Variants in ADGRB1 observed in about 807,000 individuals in gnomAD.
The protein encoded by ADGRB1 is brain-specific angiogenesis inhibitor 1.
Under a neutral mutation model 175.7 loss-of-function variants are expected in ADGRB1, and 36 were observed. That is an observed-to-expected ratio of 0.20 (90% CI 0.16 to 0.27). ADGRB1 has a LOEUF of 0.27. Among genes scored for constraint, ADGRB1 ranks in the 10% least tolerant of loss-of-function variants. The pLI is 1.00. For missense variants in ADGRB1, 1,731 were observed against 2,255.3 expected, an observed-to-expected ratio of 0.77 and a Z score of 4.71; for synonymous variants, 1,054 against 979.4, an observed-to-expected ratio of 1.08 and a Z score of -1.42.
At chr8:142,527,160 G>C (rs1212387434) in intron 24 of ADGRB1, among the ~76,000 whole-genome samples, 1 of 152,222 alleles carries the variant, frequency 6.6e-6, no homozygotes. Context: ...CAGGGTGCTG[G>C]AGCAAGACAG....
intron 21 of ADGRB1, 28 bp downstream of exon 21, chr8:142,522,143 G>A: frequency 1.3e-6 from 2 of 1,597,812 alleles, no homozygotes; most frequent in Non-Finnish European, 1.7e-6. Flanking sequence ...CGACCCTCCT[G>A]GACAGATACC....
Position 142,544,243 on chromosome 8 carries a change from C to A in ADGRB1, c.4581C>A (p.Asn1527Lys). ...AGCCGGAAAAGCAGCAGACGCCCAA[C>A]AAGAGGCCCTGGGAGAGCCTCCGGA... Reference protein sequence around the residue: ...DSKPEKQQTPNKRPWESLRKA... With the variant: ...DSKPEKQQTPKKRPWESLRKA... Residue 1527 changes from asparagine (N) to lysine (K), a missense_variant, in exon 31 of 31, where the codon AAC becomes AAA. Coordinates refer to ENST00000517894, the MANE Select transcript of ADGRB1 (RefSeq NM_001702.3). 1.9e-6 allele frequency: 3 copies of A among 1,549,170 alleles called. No individual in the cohort carries two copies. The highest frequency in any genetic ancestry group is 2.6e-6 in the Non-Finnish European group (3 of 1,146,682).
At chr8:142,519,489 CTGG>C (rs1413495398) in intron 19 of ADGRB1, among the ~76,000 whole-genome samples, 7 of 151,008 alleles carry the variant, frequency 4.6e-5, no homozygotes, top group Non-Finnish European at 1.0e-4. Flanking sequence ...GATGGTGGTC[CTGG>C]TGGTGGTGTT....
intron 16 of ADGRB1, 96 bp downstream of exon 16, chr8:142,489,534 C>T: frequency 1.5e-6 from 2 of 1,329,834 alleles, no homozygotes; most frequent in South Asian, 1.2e-5. Context: ...GGGGCCTCCT[C>T]ACAACAGCTT....
chr8:142,526,515 AC>A, intron 23 of ADGRB1, 26 bp from the exon 24 acceptor site: 1 of 555,468 alleles, frequency 1.8e-6, no homozygotes, highest in Non-Finnish European at 2.6e-6. Context: ...CCCCACCCCC[AC>A]ACCCCCACCA....
chr8:142,496,825 T>C (rs1421885098), intron 17 of ADGRB1, among the ~76,000 whole-genome samples: 2 of 152,128 alleles, frequency 1.3e-5, no homozygotes, highest in Non-Finnish European at 2.9e-5. Flanking sequence ...CTCATGGCTT[T>C]AGGAAGGGCA....
Position 142,510,538 on chromosome 8 carries a change from C to G in ADGRB1, c.2676-394C>G, listed in dbSNP as rs530521449. ...CTCCACGTGCGCCCACGCGCCCCTC[C>G]GGGCCTCCCCCTCCTTCCCGCGCGG... On this transcript the variant is annotated intron_variant, in intron 17 of 30. Transcript: ENST00000517894. This position sits in a 1 kb window ranked among gnomAD's most constrained non-coding sequence, Gnocchi z 6.3. Among the ~76,000 whole-genome samples, 150 of 150,086 alleles carry G rather than the reference C, an allele frequency of 1.0e-3. 1 individual carries two copies. The South Asian group carries it at 0.011, about 11-fold the overall frequency.
At chr8:142,529,526 G>A (rs1425944236) in intron 24 of ADGRB1, among the ~76,000 whole-genome samples, 1 of 152,130 alleles carries the variant, frequency 6.6e-6, no homozygotes, top group African/African-American at 2.4e-5. Flanking sequence ...GTGTAAGAGT[G>A]TGCCTTGATG....
chr8:142,479,173 C>G (rs577677561), intron 7 of ADGRB1, 150 bp from the exon 8 acceptor site: 1 of 879,054 alleles, frequency 1.1e-6, no homozygotes, highest in Non-Finnish European at 1.5e-6. Context: ...AATTTCCCTT[C>G]TTTGACCTCC....
intron 17 of ADGRB1, among the ~76,000 whole-genome samples, chr8:142,499,325 C>T (rs1044840400): frequency 3.3e-5 from 5 of 152,232 alleles, no homozygotes; most frequent in Admixed American, 6.5e-5. Context: ...GTGAGTATTA[C>T]GGAACGAGAG....
chr8:142,479,468 C>T lies in ADGRB1; in HGVS notation c.1707C>T (p.Cys569=), dbSNP rs1262754766. 15 of 1,550,174 alleles carry T rather than the reference C, an allele frequency of 9.7e-6. No homozygotes were observed. Among genetic ancestry groups the T allele is most frequent in the African/African-American group, 6.9e-5 (5 of 71,956 alleles). The change falls in exon 8 of 31, where the codon TGC becomes TGT. Residue 569 remains cysteine (C), a synonymous_variant. Coordinates refer to ENST00000517894, the MANE Select transcript of ADGRB1 (RefSeq NM_001702.3). ...GCCCCCAGGATGAGTACCGGCAGTGCGGCACCCAGCGGTGTCCCGGTGAGG... is the reference window on the plus strand; with the variant it reads ...GCCCCCAGGATGAGTACCGGCAGTGTGGCACCCAGCGGTGTCCCGGTGAGG... ...CQGPQDEYRQ[C]GTQRCPEPHE...
At chr8:142,469,446 C>T (rs536448511) in intron 2 of ADGRB1, among the ~76,000 whole-genome samples, 2 of 127,290 alleles carry the variant, frequency 1.6e-5, no homozygotes, top group South Asian at 5.2e-4. Context: ...AGTGTGTGCA[C>T]GTGCGTGAAT....
At chr8:142,462,999 G>A (rs1481666393) in intron 1 of ADGRB1, among the ~76,000 whole-genome samples, 2 of 152,224 alleles carry the variant, frequency 1.3e-5, no homozygotes, top group East Asian at 1.9e-4. Context: ...GCTGGGAGGT[G>A]TCTCCTGGTG....
chr8:142,482,554 T>G (rs1718012288), intron 11 of ADGRB1, among the ~76,000 whole-genome samples: 1 of 136,672 alleles, frequency 7.3e-6, no homozygotes, highest in African/African-American at 2.8e-5. Flanking sequence ...CTGATCCTGG[T>G]CATGCTGAGC....
At chr8:142,491,793 G>A (rs59317811) in intron 17 of ADGRB1, among the ~76,000 whole-genome samples, 84,725 of 152,088 alleles carry the variant, frequency 0.56, 24,161 homozygotes, top group Middle Eastern at 0.66. Context: ...CCTGGGTGCC[G>A]GTGGCACTTG....
intron 17 of ADGRB1, among the ~76,000 whole-genome samples, chr8:142,502,657 T>C (rs971972644): frequency 8.9e-5 from 5 of 56,442 alleles, no homozygotes. Context: ...ATGGTGGTGA[T>C]GGTGATGGTG....
intron 18 of ADGRB1, among the ~76,000 whole-genome samples, chr8:142,512,331 C>T (rs1468518543): frequency 6.6e-6 from 1 of 152,186 alleles, no homozygotes; most frequent in Admixed American, 6.5e-5. Context: ...AGGGCCATCT[C>T]GGAGGCTCCC....
At chr8:142,521,015 G>A in intron 20 of ADGRB1, 90 bp downstream of exon 20, 1 of 1,287,332 alleles carries the variant, frequency 7.8e-7, no homozygotes, top group East Asian at 2.4e-5. Context: ...TGGGATCCCT[G>A]GGAAACTCAG....
rs1208982715 is a variant in ADGRB1, at chr8:142,543,904, A to T, written c.4557+196A>T. Among the ~76,000 whole-genome samples the T allele has an allele frequency of 6.6e-6, 1 of 151,948 alleles. No individual in the cohort carries two copies. Among genetic ancestry groups the T allele is most frequent in the African/African-American group, 2.4e-5 (1 of 41,360 alleles). On this transcript the variant is annotated intron_variant, in intron 30 of 30. Transcript: ENST00000517894. The surrounding 1 kb of genome is among the most constrained non-coding windows in gnomAD (Gnocchi z 4.4). ...CTCTGGAGGCCATGGCCATACTGGGAGCTGAGCGGTCACGAGCCTGCTCCT... is the reference window on the plus strand; with the variant it reads ...CTCTGGAGGCCATGGCCATACTGGGTGCTGAGCGGTCACGAGCCTGCTCCT...
Sources: gnomAD v4.1 joint callset for allele counts (sites outside exome capture counted in the v4.1 genomes callset) on GRCh38, gnomAD v4.1.1 for gene constraint, Gnocchi (gnomAD v3.1) non-coding constraint, MANE v1.5 for transcripts, NCBI Gene and HGNC (gene_info 2026-07-23, HGNC 2026-07-21) for gene names.